NLGN1: variants seen among roughly 807,000 people sequenced by gnomAD.
The protein encoded by NLGN1 is neuroligin-1.
Under a neutral mutation model 65.5 loss-of-function variants are expected in NLGN1, and 12 were observed. The observed-to-expected ratio is 0.18, with a 90% CI of 0.12 to 0.30. The LOEUF (loss-of-function observed/expected upper bound fraction) is 0.30, where lower values mean the gene tolerates loss of function less well. Ranked by LOEUF, NLGN1 falls within the 10% of genes least tolerant of loss-of-function variation. NLGN1 has a pLI of 1.00. For missense variants in NLGN1, 750 were observed against 1,007.1 expected, an observed-to-expected ratio of 0.74 and a Z score of 3.46; for synonymous variants, 350 against 359.5, an observed-to-expected ratio of 0.97 and a Z score of 0.30.
chr3:174,080,922 G>GGTGTGTGTGTGTGT (rs571057944), intron 4 of NLGN1, among the ~76,000 whole-genome samples: 1,647 of 141,224 alleles, frequency 0.012, 29 homozygotes, highest in East Asian at 0.03. Flanking sequence ...TGACATTCCT[G>GGTGTGTGTGTGTGT]GTGTGTGTGT....
At chr3:173,711,869 C>A (rs1769051274) in intron 3 of NLGN1, among the ~76,000 whole-genome samples, 1 of 152,148 alleles carries the variant, frequency 6.6e-6, no homozygotes, top group Non-Finnish European at 1.5e-5. Context: ...TCAGCAACAG[C>A]TCTTTACGCT....
At chr3:173,847,529 T>A (rs1726011008) in intron 4 of NLGN1, among the ~76,000 whole-genome samples, 1 of 152,196 alleles carries the variant, frequency 6.6e-6, no homozygotes, top group Non-Finnish European at 1.5e-5. Context: ...TGAGAAGTTT[T>A]TAAAAAGCTG....
chr3:174,263,639 T>A (rs972593138), intron 4 of NLGN1, among the ~76,000 whole-genome samples: 3 of 152,144 alleles, frequency 2.0e-5, no homozygotes, highest in African/African-American at 7.2e-5. Flanking sequence ...CTTTATCCAA[T>A]TTGCCAGTCT....
chr3:174,140,987 A>G (rs1289375877), intron 4 of NLGN1, among the ~76,000 whole-genome samples: 3 of 152,150 alleles, frequency 2.0e-5, no homozygotes, highest in Non-Finnish European at 4.4e-5. Context: ...TTTCTAGAAT[A>G]GTTAAAAGCC....
chr3:173,894,107 T>C (rs1735897244), intron 4 of NLGN1, among the ~76,000 whole-genome samples: 1 of 152,222 alleles, frequency 6.6e-6, no homozygotes, highest in Non-Finnish European at 1.5e-5. Flanking sequence ...TTTATACAAC[T>C]TGGGCTTGGT....
intron 2 of NLGN1, among the ~76,000 whole-genome samples, chr3:173,510,521 A>G (rs1282372471): frequency 1.3e-5 from 2 of 152,204 alleles, no homozygotes; most frequent in Non-Finnish European, 2.9e-5. Context: ...TGCTATTGGC[A>G]TTGTTTAACA....
chr3:173,754,015 C>A (rs1241429087), intron 3 of NLGN1, among the ~76,000 whole-genome samples: 4 of 118,764 alleles, frequency 3.4e-5, no homozygotes, highest in Non-Finnish European at 6.9e-5. Context: ...TTCTTTATTT[C>A]TTTCTTTTCT....
At chr3:174,212,311 C>A (rs1736820607) in intron 4 of NLGN1, among the ~76,000 whole-genome samples, 1 of 152,222 alleles carries the variant, frequency 6.6e-6, no homozygotes, top group African/African-American at 2.4e-5. Context: ...TCCAGCTGGC[C>A]CGCAAGCGCC....
chr3:173,761,334 G>A (rs190061542), intron 3 of NLGN1, among the ~76,000 whole-genome samples: 81 of 152,106 alleles, frequency 5.3e-4, no homozygotes, highest in Non-Finnish European at 1.0e-3. Context: ...CTGTCTCCCT[G>A]GAGGTTGGCA....
At chr3:173,792,387 A>G (rs976219597) in intron 3 of NLGN1, among the ~76,000 whole-genome samples, 1 of 152,148 alleles carries the variant, frequency 6.6e-6, no homozygotes, top group African/African-American at 2.4e-5. Flanking sequence ...GTAGAGAACT[A>G]TCTCTCTCAT....
chr3:173,422,146 TAC>T (rs1553846239), intron 1 of NLGN1, among the ~76,000 whole-genome samples: 74 of 130,214 alleles, frequency 5.7e-4, no homozygotes, highest in African/African-American at 8.7e-4. Flanking sequence ...ACACTATATA[TAC>T]ACACACACAC....
intron 4 of NLGN1, among the ~76,000 whole-genome samples, chr3:174,178,334 G>T (rs946698442): frequency 6.6e-6 from 1 of 152,096 alleles, no homozygotes; most frequent in East Asian, 1.9e-4. Flanking sequence ...CATCTACTGT[G>T]ATTGATTTAT....
chr3:173,444,992 G>A (rs1255409711), intron 2 of NLGN1, among the ~76,000 whole-genome samples: 3 of 151,380 alleles, frequency 2.0e-5, no homozygotes, highest in South Asian at 2.1e-4. Context: ...TTGGCCGGGC[G>A]CGGTCGCGGC....
At chr3:173,900,486 AT>A (rs1035606241) in intron 4 of NLGN1, among the ~76,000 whole-genome samples, 4 of 151,984 alleles carry the variant, frequency 2.6e-5, no homozygotes, top group African/African-American at 7.2e-5. Context: ...AAACTCATGG[AT>A]TTTTTTCCAT....
At chr3:174,024,030 C>T (rs2152461384) in intron 4 of NLGN1, among the ~76,000 whole-genome samples, 1 of 151,492 alleles carries the variant, frequency 6.6e-6, no homozygotes, top group East Asian at 1.9e-4. Flanking sequence ...CATGTGGATG[C>T]CAGTGTAGAG....
chr3:174,175,798 G>C (rs73035660), intron 4 of NLGN1, among the ~76,000 whole-genome samples: 2,287 of 151,932 alleles, frequency 0.015, 56 homozygotes, highest in African/African-American at 0.052. Flanking sequence ...CATGATCCTG[G>C]TATTTAGTTA....
intron 3 of NLGN1, among the ~76,000 whole-genome samples, chr3:173,666,707 A>G (rs1761745150): frequency 6.6e-6 from 1 of 152,196 alleles, no homozygotes; most frequent in Non-Finnish European, 1.5e-5. Context: ...ACTCTGCTCC[A>G]GTGAAAAGTT....
intron 3 of NLGN1, among the ~76,000 whole-genome samples, chr3:173,737,987 A>C (rs1200352849): frequency 3.9e-5 from 6 of 152,094 alleles, no homozygotes; most frequent in African/African-American, 1.4e-4. Context: ...TTTGATTTGT[A>C]TTTCCCTGAA....
intron 3 of NLGN1, among the ~76,000 whole-genome samples, chr3:173,665,966 T>C (rs1382820986): frequency 6.6e-6 from 1 of 152,138 alleles, no homozygotes; most frequent in African/African-American, 2.4e-5. Context: ...CTGACACTTT[T>C]CCTGAACACA....
Sources: allele counts gnomAD v4.1 joint callset (sites outside exome capture counted in the v4.1 genomes callset), GRCh38; gene constraint gnomAD v4.1.1; transcripts MANE v1.5; gene names NCBI Gene and HGNC (gene_info 2026-07-23, HGNC 2026-07-21).